YPEL2: variants seen among roughly 807,000 people sequenced by gnomAD.
The protein encoded by YPEL2 is yippee like 2.
A neutral mutation model predicts 19.1 loss-of-function variants in YPEL2; 2 were observed. The ratio of observed to expected loss-of-function variants is 0.10; its 90% confidence interval spans 0.04 to 0.33. The LOEUF (loss-of-function observed/expected upper bound fraction) is 0.33. YPEL2 is among the 10% of genes least tolerant of loss of function. The probability of loss-of-function intolerance (pLI) is 1.00; values close to 1 mark genes in which losing one functional copy is unlikely to be tolerated. For synonymous variants in YPEL2, 52 were observed against 50.0 expected (o/e 1.04, Z -0.17); for missense variants, 66 against 140.7 (o/e 0.47, Z 2.68).
At chr17:59,342,667 A>G (rs1015882700) in intron 1 of YPEL2, among the ~76,000 whole-genome samples, 2 of 152,248 alleles carry the variant, frequency 1.3e-5, no homozygotes, top group African/African-American at 2.4e-5. Flanking sequence ...TACAAAAGGA[A>G]GGACTGGTGT....
intron 2 of YPEL2, among the ~76,000 whole-genome samples, chr17:59,379,567 C>T (rs571219220): frequency 1.6e-4 from 24 of 152,176 alleles, no homozygotes; most frequent in Non-Finnish European, 2.6e-4. Flanking sequence ...CCATAGAGAC[C>T]GACAGTAGAT....
At chr17:59,382,865 ACTC>A (rs1419322851) in intron 2 of YPEL2, among the ~76,000 whole-genome samples, 1 of 152,088 alleles carries the variant, frequency 6.6e-6, no homozygotes, top group East Asian at 1.9e-4. Context: ...CTGGTCTCAA[ACTC>A]CTGACCTCAA....
intron 2 of YPEL2, among the ~76,000 whole-genome samples, chr17:59,357,317 T>A (rs2047817851): frequency 6.8e-6 from 1 of 146,206 alleles, no homozygotes; most frequent in African/African-American, 2.8e-5. Flanking sequence ...GGCACAAGAT[T>A]GGATATGAGA....
In YPEL2 at chr17:59,332,675, C is replaced by T. The variant is rs551397990; in HGVS notation, c.-196+851C>T. On this transcript the variant is annotated intron_variant, in intron 1 of 4. Transcript: ENST00000312655. Reference sequence around the variant, plus strand: ...GGACTTCTTGTCCGGAAGATTGCTACCTCTGCCTTCAGTCTTAGCTGCGAG... The same window carrying T: ...GGACTTCTTGTCCGGAAGATTGCTATCTCTGCCTTCAGTCTTAGCTGCGAG... Among the ~76,000 whole-genome samples, 7 of 152,298 alleles carry T rather than the reference C, an allele frequency of 4.6e-5. No homozygotes were observed. The South Asian group carries it at 1.5e-3, about 32-fold the overall frequency.
At chr17:59,354,635 CG>C (rs2147940804) in intron 2 of YPEL2, 1 of 152,342 alleles carries the variant, frequency 6.6e-6, no homozygotes, top group African/African-American at 2.4e-5. Flanking sequence ...CTTTTCAAAT[CG>C]GGCCTGAGGA....
chr17:59,348,143 AAGG>A (rs1204743503), intron 1 of YPEL2, among the ~76,000 whole-genome samples: 2 of 152,236 alleles, frequency 1.3e-5, no homozygotes, highest in African/African-American at 2.4e-5. Flanking sequence ...CGCAGCTAGA[AAGG>A]AGCAGAACTG....
intron 2 of YPEL2, among the ~76,000 whole-genome samples, chr17:59,373,911 C>T (rs183002234): frequency 3.3e-5 from 5 of 152,224 alleles, no homozygotes; most frequent in African/African-American, 7.2e-5. Flanking sequence ...CAGATAAGGT[C>T]GGTCATCTGA....
intron 4 of YPEL2, among the ~76,000 whole-genome samples, chr17:59,394,794 G>T (rs1044967529): frequency 6.6e-6 from 1 of 152,230 alleles, no homozygotes; most frequent in African/African-American, 2.4e-5. Flanking sequence ...TTCAGCCTGG[G>T]CACCATTGAG....
At chr17:59,392,039 G>A (rs965072654) in intron 4 of YPEL2, among the ~76,000 whole-genome samples, 3 of 152,134 alleles carry the variant, frequency 2.0e-5, no homozygotes, top group African/African-American at 4.8e-5. Flanking sequence ...GTACAGTCAC[G>A]GGCCCCCTCT....
intron 2 of YPEL2, among the ~76,000 whole-genome samples, chr17:59,386,951 A>C (rs569896655): frequency 7.9e-5 from 12 of 152,280 alleles, no homozygotes; most frequent in African/African-American, 2.2e-4. Flanking sequence ...CCCCAGAGGC[A>C]GTTTTTCCAC....
At chr17:59,347,242 G>A (rs150041535) in intron 1 of YPEL2, among the ~76,000 whole-genome samples, 28 of 152,288 alleles carry the variant, frequency 1.8e-4, no homozygotes, top group Non-Finnish European at 2.8e-4. Context: ...ATTTGTCCAA[G>A]GTCACACAGC....
intron 1 of YPEL2, among the ~76,000 whole-genome samples, chr17:59,337,152 T>C (rs2047702773): frequency 6.6e-6 from 1 of 152,046 alleles, no homozygotes; most frequent in African/African-American, 2.4e-5. Flanking sequence ...ACAGATTCAA[T>C]GCCCCCTTTA....
At chr17:59,350,657 G>C (rs537030802) in intron 1 of YPEL2, among the ~76,000 whole-genome samples, 1 of 152,212 alleles carries the variant, frequency 6.6e-6, no homozygotes, top group African/African-American at 2.4e-5. Context: ...AGGTAGCTTT[G>C]AATAAGTTTC....
intron 1 of YPEL2, among the ~76,000 whole-genome samples, chr17:59,337,344 C>G (rs931231865): frequency 6.6e-6 from 1 of 151,854 alleles, no homozygotes; most frequent in Non-Finnish European, 1.5e-5. Context: ...CCCACCATCA[C>G]GCCCGGCTAA....
At chr17:59,359,899 CT>C (rs1567741921) in intron 2 of YPEL2, among the ~76,000 whole-genome samples, 1 of 152,098 alleles carries the variant, frequency 6.6e-6, no homozygotes, top group African/African-American at 2.4e-5. Flanking sequence ...GTCAGTGTTT[CT>C]TTTTTATTTA....
Position 59,398,171 on chromosome 17 carries a change from C to T in YPEL2, c.*981C>T, listed in dbSNP as rs2048050624. 6.6e-6 allele frequency: 1 copy of T among 152,210 alleles called. No individual in the cohort carries two copies. The highest frequency in any genetic ancestry group is 1.5e-5 in the Non-Finnish European group (1 of 68,044). 9.4% of individuals were successfully genotyped at this position (152,210 alleles called of 1,614,324 possible). ...CTAACTGCCCTTCCTTCTGACCCCT[C>T]ATAAGAGGAGTGTGGTGAGGGAGGG... is the stretch of plus-strand genomic sequence containing the variant. On this transcript the variant is annotated 3_prime_UTR_variant, in exon 5 of 5. Transcript: ENST00000312655.
intron 1 of YPEL2, among the ~76,000 whole-genome samples, chr17:59,349,001 C>T (rs1297405863): frequency 2.0e-5 from 3 of 151,968 alleles, no homozygotes; most frequent in African/African-American, 7.2e-5. Context: ...GGTGAAACCC[C>T]GTCTCTACTA....
chr17:59,382,029 A>G (rs2047951945), intron 2 of YPEL2, among the ~76,000 whole-genome samples: 1 of 152,182 alleles, frequency 6.6e-6, no homozygotes, highest in South Asian at 2.1e-4. Flanking sequence ...ATTCTTGTCT[A>G]TCTGCAAGAT....
At chr17:59,388,919 C>A in intron 3 of YPEL2, 1 of 201,894 alleles carries the variant, frequency 5.0e-6, no homozygotes, top group South Asian at 1.0e-4. Context: ...GGAGTAGAGC[C>A]TATTCAGCAC....
Sources: gnomAD v4.1 joint callset for allele counts (sites outside exome capture counted in the v4.1 genomes callset) on GRCh38, gnomAD v4.1.1 for gene constraint, MANE v1.5 for transcripts, NCBI Gene and HGNC (gene_info 2026-07-23, HGNC 2026-07-21) for gene names.